RUNX1: variants seen among roughly 807,000 people sequenced by gnomAD.
The protein encoded by RUNX1 is runt-related transcription factor 1.
Under a neutral mutation model 42.8 loss-of-function variants are expected in RUNX1, and 19 were observed. The ratio of observed to expected loss-of-function variants is 0.44; its 90% CI spans 0.31 to 0.65. The LOEUF is 0.65. Ranked by LOEUF, RUNX1 falls within the 30% of genes least tolerant of loss-of-function variation. RUNX1 has a pLI of 0.07. For synonymous variants in RUNX1, 271 were observed against 289.4 expected, an observed-to-expected ratio of 0.94 and a Z score of 0.64; for missense variants, 528 against 672.0, an observed-to-expected ratio of 0.79 and a Z score of 2.37.
At chr21:35,048,602 C>T (rs1405163813) in intron 2 of RUNX1, among the ~76,000 whole-genome samples, 1 of 152,194 alleles carries the variant, frequency 6.6e-6, no homozygotes, top group Non-Finnish European at 1.5e-5. Flanking sequence ...TCTCACGCAC[C>T]GACTGAACAC....
In RUNX1 at chr21:34,835,544, G is replaced by T. The variant is rs117415776; in HGVS notation, c.614-943C>A. Among the ~76,000 whole-genome samples, 616 of 152,258 alleles carry T rather than the reference G, an allele frequency of 4.0e-3. 2 individuals carry two copies. Among genetic ancestry groups the T allele is most frequent in the Non-Finnish European group, 6.8e-3 (464 of 68,010 alleles). ...AGCAGAGGCCACTCATGGGGGACTG[G>T]GGCCTACGGTTTTCTCAAAATGTCC... On this transcript the variant is annotated intron_variant, in intron 6 of 8. Coordinates refer to ENST00000675419, the MANE Select transcript of RUNX1 (RefSeq NM_001754.5).
intron 6 of RUNX1, among the ~76,000 whole-genome samples, chr21:34,837,505 AG>A (rs1244693654): frequency 2.0e-4 from 30 of 152,242 alleles, no homozygotes; most frequent in Admixed American, 1.9e-3. Flanking sequence ...CATGAAATAT[AG>A]GAACTTCCGA....
intron 2 of RUNX1, among the ~76,000 whole-genome samples, chr21:35,000,301 C>T (rs565932726): frequency 1.5e-3 from 214 of 139,026 alleles, no homozygotes; most frequent in Non-Finnish European, 2.5e-3. Flanking sequence ...AATGCAGTGG[C>T]GCAATCTCGG....
chr21:34,798,084 C>T lies in RUNX1; in HGVS notation c.967+1217G>A, dbSNP rs758028948. The T allele has an allele frequency of 6.6e-6, 3 of 456,532 alleles. No homozygotes were observed. The East Asian group carries it at 2.1e-4, about 32-fold the overall frequency. 28.3% of individuals were successfully genotyped at this position (456,532 alleles called of 1,614,324 possible). On this transcript the variant is annotated intron_variant, in intron 8 of 8. Coordinates refer to ENST00000675419, the MANE Select transcript of RUNX1 (RefSeq NM_001754.5). The stretch of plus-strand genomic sequence containing the variant: ...GGCATCTGGTGAAACCTGAAGTAAT[C>T]ACAACTGTCTGGAAAACACAACATT...
At chr21:34,897,273 T>C (rs184018920) in intron 2 of RUNX1, among the ~76,000 whole-genome samples, 63 of 152,316 alleles carry the variant, frequency 4.1e-4, no homozygotes, top group Admixed American at 4.1e-3. Context: ...CAAGTTCTCA[T>C]TACCTCTCTG....
intron 2 of RUNX1, among the ~76,000 whole-genome samples, chr21:34,971,218 T>G (rs976664321): frequency 5.3e-5 from 8 of 152,200 alleles, no homozygotes; most frequent in African/African-American, 1.7e-4. Flanking sequence ...CAGTTCTTTT[T>G]TATCAAAGAA....
chr21:34,825,054 T>C (rs1434847218), intron 7 of RUNX1, among the ~76,000 whole-genome samples: 1 of 152,256 alleles, frequency 6.6e-6, no homozygotes, highest in Non-Finnish European at 1.5e-5. Context: ...TTTGAAAGAC[T>C]ATCTTCAGGC....
chr21:35,015,210 C>T (rs1397996973), intron 2 of RUNX1, among the ~76,000 whole-genome samples: 6 of 152,312 alleles, frequency 3.9e-5, no homozygotes, highest in East Asian at 3.9e-4. Context: ...ACACCTGTGA[C>T]GTGGGGATCA....
intron 5 of RUNX1, among the ~76,000 whole-genome samples, chr21:34,868,086 C>G (rs2057688631): frequency 6.6e-6 from 1 of 152,190 alleles, no homozygotes; most frequent in Admixed American, 6.5e-5. Flanking sequence ...GCTCACCAGC[C>G]TTGCAGCACT....
At position 34,952,065 on chromosome 21, in the gene RUNX1, T is replaced by G. The variant is rs146948337; in HGVS notation, c.59-59102A>C. Among the ~76,000 whole-genome samples, 766 of 152,316 alleles carry G rather than the reference T, an allele frequency of 5.0e-3. 4 individuals carry two copies. Among genetic ancestry groups the G allele is most frequent in the Middle Eastern group, 0.017 (5 of 294 alleles). ...TGCAGTCATAAAAAGGATGAGTTCATGTCCTTTGCAGGGACATGGATGAAG... is the reference window on the plus strand; with the variant it reads ...TGCAGTCATAAAAAGGATGAGTTCAGGTCCTTTGCAGGGACATGGATGAAG... On this transcript the variant is annotated intron_variant, in intron 2 of 8. Coordinates refer to ENST00000675419, the MANE Select transcript of RUNX1 (RefSeq NM_001754.5).
At chr21:34,852,990 G>A (rs904188834) in intron 6 of RUNX1, among the ~76,000 whole-genome samples, 8 of 152,148 alleles carry the variant, frequency 5.3e-5, no homozygotes, top group South Asian at 2.1e-4. Context: ...TCCCCCCGGC[G>A]GCTACGTGCT....
intron 2 of RUNX1, among the ~76,000 whole-genome samples, chr21:35,037,392 C>A (rs2059316325): frequency 6.6e-6 from 1 of 152,148 alleles, no homozygotes; most frequent in African/African-American, 2.4e-5. Context: ...AGTGGTGGGG[C>A]CATAAAGCCA....
intron 2 of RUNX1, among the ~76,000 whole-genome samples, chr21:34,978,140 G>A (rs922132649): frequency 8.6e-5 from 13 of 152,040 alleles, no homozygotes; most frequent in Admixed American, 3.3e-4. Context: ...GGGTTTCACC[G>A]TGTTAGCCAG....
chr21:34,923,150 T>C (rs1045844229), intron 2 of RUNX1, among the ~76,000 whole-genome samples: 6 of 152,230 alleles, frequency 3.9e-5, no homozygotes, highest in Admixed American at 6.5e-5. Context: ...ACCTCTGTTA[T>C]GGTATGGCTT....
chr21:34,851,383 A>G lies in RUNX1; in HGVS notation c.613+8091T>C, dbSNP rs192002608. On this transcript the variant is annotated intron_variant, in intron 6 of 8. Coordinates refer to ENST00000675419, the MANE Select transcript of RUNX1 (RefSeq NM_001754.5). ...GACCATATTTTGTTACCCTTTTTGC[A>G]TGAGAACTAATTTAGAGATTATCTC... Among the ~76,000 whole-genome samples the G allele has an allele frequency of 1.1e-3, 162 of 152,258 alleles. No individual in the cohort carries two copies. The Middle Eastern group carries it at 0.014, about 13-fold the overall frequency.
intron 2 of RUNX1, among the ~76,000 whole-genome samples, chr21:35,037,055 G>A (rs571444122): frequency 2.8e-4 from 42 of 152,262 alleles, no homozygotes; most frequent in Admixed American, 9.2e-4. Context: ...AAGGTGGTGC[G>A]CTCTCAAGCC....
intron 5 of RUNX1, among the ~76,000 whole-genome samples, chr21:34,868,214 G>A (rs557371080): frequency 9.9e-5 from 15 of 152,118 alleles, no homozygotes; most frequent in Non-Finnish European, 2.1e-4. Flanking sequence ...TCTACCAAAT[G>A]GGGTCCTTGC....
intron 5 of RUNX1, among the ~76,000 whole-genome samples, chr21:34,860,170 A>G (rs1293637807): frequency 6.6e-6 from 1 of 152,260 alleles, no homozygotes; most frequent in Non-Finnish European, 1.5e-5. Context: ...TGACTCATAA[A>G]TGGACTTAAG....
chr21:35,019,459 T>C (rs1427574926), intron 2 of RUNX1, among the ~76,000 whole-genome samples: 38 of 152,224 alleles, frequency 2.5e-4, no homozygotes, highest in Admixed American at 2.5e-3. Context: ...CTTTCTTTTA[T>C]GTCTGTAAGA....
Sources: gnomAD v4.1 joint callset for allele counts (sites outside exome capture counted in the v4.1 genomes callset) on GRCh38, gnomAD v4.1.1 for gene constraint, MANE v1.5 for transcripts, NCBI Gene and HGNC (gene_info 2026-07-23, HGNC 2026-07-21) for gene names.